The following ISY1 variants were observed in gnomAD, a reference collection of about 807,000 sequenced individuals.
ISY1 encodes ISY1 spliceosome associated protein.
Under a neutral mutation model 54.4 loss-of-function variants are expected in ISY1, and 12 were observed. The ratio of observed to expected loss-of-function variants is 0.22; its 90% confidence interval spans 0.14 to 0.36. The LOEUF (loss-of-function observed/expected upper bound fraction) is 0.36. Ranked by LOEUF, ISY1 falls within the 10% of genes least tolerant of loss-of-function variation. The pLI is 1.00. For missense variants in ISY1, 282 were observed against 342.2 expected, an observed-to-expected ratio of 0.82 and a Z score of 1.39; for synonymous variants, 96 against 117.9, an observed-to-expected ratio of 0.81 and a Z score of 1.20.
chr3:129,146,610 T>C (rs956813690), intron 5 of ISY1, among the ~76,000 whole-genome samples: 1 of 152,104 alleles, frequency 6.6e-6, no homozygotes, highest in Non-Finnish European at 1.5e-5. Context: ...CTCTAGAAGA[T>C]GGGCATGAGA....
chr3:129,160,919 C>CCCCGGGGGGGGGGGGG, intron 1 of ISY1, 54 bp downstream of exon 1: 1 of 428,610 alleles, frequency 2.3e-6, no homozygotes, highest in Non-Finnish European at 4.6e-6. Flanking sequence ...GGACTGGGCG[C>CCCCGGGGGGGGGGGGG]CCCCCCGCCC....
intron 9 of ISY1, among the ~76,000 whole-genome samples, chr3:129,132,651 T>A (rs1936268750): frequency 6.6e-6 from 1 of 152,166 alleles, no homozygotes; most frequent in African/African-American, 2.4e-5. Flanking sequence ...TTGCTCACTG[T>A]CTCTCTTACT....
At chr3:129,136,958 G>A (rs557166162) in intron 7 of ISY1, among the ~76,000 whole-genome samples, 22 of 149,550 alleles carry the variant, frequency 1.5e-4, no homozygotes, top group Middle Eastern at 3.5e-3. Context: ...GCAATGGCGC[G>A]ATCTCAGTTC....
At chr3:129,152,944 A>T (rs1937021818) in intron 5 of ISY1, among the ~76,000 whole-genome samples, 1 of 151,930 alleles carries the variant, frequency 6.6e-6, no homozygotes. Flanking sequence ...CTGACCAGTG[A>T]AGCCATCTGG....
At chr3:129,151,400 G>A (rs1198590808) in intron 5 of ISY1, among the ~76,000 whole-genome samples, 1 of 151,570 alleles carries the variant, frequency 6.6e-6, no homozygotes, top group African/African-American at 2.4e-5. Context: ...AGGCAGAGGC[G>A]GGTGGATCAC....
At chr3:129,158,437 G>A in intron 3 of ISY1, 71 bp downstream of exon 3, 1 of 1,598,598 alleles carries the variant, frequency 6.3e-7, no homozygotes, top group Non-Finnish European at 8.5e-7. Context: ...GGGATTACAG[G>A]CATGAGCCAC....
chr3:129,150,191 C>T (rs1936923371), intron 5 of ISY1, among the ~76,000 whole-genome samples: 1 of 152,086 alleles, frequency 6.6e-6, no homozygotes, highest in Non-Finnish European at 1.5e-5. Context: ...GTTCCTTTGC[C>T]TTTCCAATTA....
intron 5 of ISY1, among the ~76,000 whole-genome samples, chr3:129,153,369 T>C (rs1937033412): frequency 1.3e-5 from 2 of 152,212 alleles, no homozygotes; most frequent in Admixed American, 1.3e-4. Flanking sequence ...GAACTGTGTC[T>C]CTAAACAGTA....
At chr3:129,135,497 G>C (rs977418122) in intron 7 of ISY1, among the ~76,000 whole-genome samples, 1 of 152,164 alleles carries the variant, frequency 6.6e-6, no homozygotes, top group African/African-American at 2.4e-5. Flanking sequence ...CGGGTGCGGT[G>C]ACTCATGCCT....
chr3:129,130,743 A>G, intron 9 of ISY1, 107 bp from the exon 10 acceptor site: 1 of 1,221,112 alleles, frequency 8.2e-7, no homozygotes, highest in Non-Finnish European at 1.1e-6. Context: ...AAAAAAAACT[A>G]AGAAAGTTCT....
chr3:129,146,850 G>C (rs1207076567), intron 5 of ISY1, among the ~76,000 whole-genome samples: 1 of 152,142 alleles, frequency 6.6e-6, no homozygotes, highest in Non-Finnish European at 1.5e-5. Context: ...TTGAGCTCAG[G>C]AGTTCAAGAC....
Position 129,134,245 on chromosome 3 carries a change from TCAACACTATGCAGGGAAAGGC to T in ISY1, c.542-71_542-51del, listed in dbSNP as rs756999145. 42 of 1,612,276 alleles carry T rather than the reference TCAACACTATGCAGGGAAAGGC, an allele frequency of 2.6e-5. 1 individual carries two copies. The highest frequency in any genetic ancestry group is 4.0e-5 in the African/African-American group (3 of 74,872). ...TATTTATTTGTCTCTAAATGAGCTT[TCAACACTATGCAGGGAAAGGC>T]CAACACTATGCAGGGAAAGTCTAGA... is the stretch of plus-strand genomic sequence containing the variant. On this transcript the variant is annotated intron_variant, in intron 8 of 10. Coordinates refer to ENST00000393295, the MANE Select transcript of ISY1 (RefSeq NM_020701.4).
At chr3:129,142,296 G>A (rs1936644333) in intron 6 of ISY1, among the ~76,000 whole-genome samples, 1 of 151,826 alleles carries the variant, frequency 6.6e-6, no homozygotes, top group South Asian at 2.1e-4. Flanking sequence ...TGCTACCAAG[G>A]ACATTATTGG....
At chr3:129,148,092 T>C (rs1936829316) in intron 5 of ISY1, among the ~76,000 whole-genome samples, 1 of 152,140 alleles carries the variant, frequency 6.6e-6, no homozygotes, top group Non-Finnish European at 1.5e-5. Context: ...TCTCCCAAAG[T>C]GCTGGGGATT....
At chr3:129,160,148 C>T (rs1937262306) in intron 1 of ISY1, among the ~76,000 whole-genome samples, 1 of 152,106 alleles carries the variant, frequency 6.6e-6, no homozygotes, top group Non-Finnish European at 1.5e-5. Context: ...GCCTCAGCCT[C>T]CCGCGAAACG....
At chr3:129,141,245 G>A (rs886930085) in intron 6 of ISY1, among the ~76,000 whole-genome samples, 1 of 145,498 alleles carries the variant, frequency 6.9e-6, no homozygotes, top group Admixed American at 6.8e-5. Flanking sequence ...AACACTTATG[G>A]GCTGGGCACG....
intron 1 of ISY1, 55 bp downstream of exon 1, chr3:129,160,918 G>GCCCCCCCCC: frequency 1.5e-6 from 1 of 666,126 alleles, no homozygotes; most frequent in Non-Finnish European, 2.7e-6. Context: ...TGGACTGGGC[G>GCCCCCCCCC]CCCCCCCGCC....
intron 1 of ISY1, 51 bp downstream of exon 1, chr3:129,160,922 C>CCCCCCA: frequency 1.7e-6 from 1 of 586,762 alleles, no homozygotes; most frequent in African/African-American, 1.9e-5. Context: ...CTGGGCGCCC[C>CCCCCCA]CCCGCCCGCC....
intron 5 of ISY1, among the ~76,000 whole-genome samples, chr3:129,149,581 T>C (rs1310307790): frequency 5.1e-4 from 29 of 57,166 alleles, no homozygotes; most frequent in Non-Finnish European, 6.5e-4. Flanking sequence ...ACCCCGTCTC[T>C]ACTAAAAAAA....
Sources: allele counts gnomAD v4.1 joint callset (sites outside exome capture counted in the v4.1 genomes callset), GRCh38; gene constraint gnomAD v4.1.1; transcripts MANE v1.5; gene names NCBI Gene and HGNC (gene_info 2026-07-23, HGNC 2026-07-21).